Variants in GBF1 observed in about 807,000 individuals in gnomAD.
GBF1 encodes the protein golgi brefeldin A resistant guanine nucleotide exchange factor 1.
In GBF1, 114 loss-of-function variants were observed where a neutral mutation model predicts 210.5. The observed-to-expected ratio is 0.54, with a 90% confidence interval of 0.47 to 0.63. The LOEUF (loss-of-function observed/expected upper bound fraction) is 0.63, where lower values mean the gene tolerates loss of function less well. Among genes scored for constraint, GBF1 ranks in the 30% least tolerant of loss-of-function variants. The probability of loss-of-function intolerance (pLI) is 0.00; values close to 1 mark genes in which losing one functional copy is unlikely to be tolerated. For synonymous variants in GBF1, 850 were observed against 889.2 expected, an observed-to-expected ratio of 0.96 and a Z score of 0.78; for missense variants, 1,851 against 2,357.7, an observed-to-expected ratio of 0.79 and a Z score of 4.45.
At chr10:102,349,934 A>AC (rs1272837033) in intron 4 of GBF1, among the ~76,000 whole-genome samples, 1 of 150,852 alleles carries the variant, frequency 6.6e-6, no homozygotes, top group African/African-American at 2.4e-5. Flanking sequence ...CCTCCTGCCT[A>AC]CCCCCCAGCT....
At chr10:102,300,340 C>G (rs1024170790) in intron 3 of GBF1, among the ~76,000 whole-genome samples, 5 of 152,074 alleles carry the variant, frequency 3.3e-5, no homozygotes, top group African/African-American at 9.7e-5. Context: ...TTTCTTCCTG[C>G]CAGCCATAGT....
At chr10:102,281,217 C>T (rs1006918810) in intron 3 of GBF1, among the ~76,000 whole-genome samples, 5 of 152,038 alleles carry the variant, frequency 3.3e-5, no homozygotes, top group South Asian at 2.1e-4. Context: ...GTGAAATAGA[C>T]GGGTTGAGAG....
At chr10:102,375,797 G>C (rs927658215) in intron 30 of GBF1, among the ~76,000 whole-genome samples, 9 of 152,154 alleles carry the variant, frequency 5.9e-5, no homozygotes, top group Middle Eastern at 3.4e-3. Context: ...GTGAAGCCAG[G>C]CTTCCTACTG....
intron 3 of GBF1, among the ~76,000 whole-genome samples, chr10:102,265,721 A>G (rs2073793895): frequency 1.3e-5 from 2 of 152,168 alleles, no homozygotes; most frequent in South Asian, 2.1e-4. Context: ...GAAAGAAAGT[A>G]TCACAACCAA....
intron 1 of GBF1, among the ~76,000 whole-genome samples, chr10:102,254,703 T>C (rs1023050585): frequency 1.3e-4 from 20 of 152,142 alleles, no homozygotes; most frequent in African/African-American, 4.6e-4. Flanking sequence ...TTAGTTGGTA[T>C]TTATTTAGTT....
At chr10:102,381,965 C>CAG (rs1268314276) in intron 39 of GBF1, 91 bp from the exon 40 acceptor site, 142 of 1,149,718 alleles carry the variant, frequency 1.2e-4, no homozygotes, top group Non-Finnish European at 1.7e-4. Context: ...CAAGGAGGAA[C>CAG]AGAGACTCTA....
Position 102,380,523 on chromosome 10 carries a change from GTCTC to G in GBF1, c.5012_5015del (p.Ser1671Ter). The G allele has an allele frequency of 6.2e-7, 1 of 1,613,126 alleles. No individual in the cohort carries two copies. Among genetic ancestry groups the G allele is most frequent in the Non-Finnish European group, 8.5e-7 (1 of 1,179,378 alleles). On this transcript the variant is annotated frameshift_variant, in exon 38 of 40. Transcript: ENST00000369983. LOFTEE classifies it high-confidence loss of function. ...ACCTGCAGTCAGAGGCGATCCCTGA[GTCTC>G]TGAAGAACATGCTTCTGGTGATGGA...
the GBF1 span, chr10:102,230,828 C>A: frequency 6.3e-7 from 1 of 1,578,106 alleles, no homozygotes; most frequent in Non-Finnish European, 8.6e-7. Flanking sequence ...GCGGAGGGCA[C>A]CATGGAGGCG....
intron 29 of GBF1, among the ~76,000 whole-genome samples, chr10:102,372,905 ACTGT>A (rs2060287967): frequency 6.6e-6 from 1 of 152,206 alleles, no homozygotes; most frequent in Non-Finnish European, 1.5e-5. Context: ...TTGCCTCAAC[ACTGT>A]CTGGATGGAA....
intron 13 of GBF1, 44 bp downstream of exon 13, chr10:102,361,164 G>A (rs2135030714): frequency 3.0e-6 from 3 of 997,130 alleles, no homozygotes; most frequent in Non-Finnish European, 4.9e-6. Flanking sequence ...AAAAAATAGG[G>A]AGATATATGG....
At chr10:102,230,754 G>A in the GBF1 span, 1 of 1,483,120 alleles carries the variant, frequency 6.7e-7, no homozygotes, top group South Asian at 1.4e-5. Context: ...GAGCCAGCCC[G>A]GGGGGGCCCC....
chr10:102,314,160 T>C (rs1460289454), intron 3 of GBF1, among the ~76,000 whole-genome samples: 2 of 150,544 alleles, frequency 1.3e-5, no homozygotes, highest in African/African-American at 2.4e-5. Context: ...TTTTTTTTTT[T>C]CTGGAGTCAG....
intron 3 of GBF1, among the ~76,000 whole-genome samples, chr10:102,277,392 C>CT (rs35430312): frequency 0.01 from 1,375 of 136,980 alleles, 24 homozygotes; most frequent in African/African-American, 0.032. Context: ...TACATTGTGA[C>CT]TTTTTTTTTT....
At chr10:102,335,752 A>C (rs1209866482) in intron 3 of GBF1, among the ~76,000 whole-genome samples, 1 of 152,186 alleles carries the variant, frequency 6.6e-6, no homozygotes, top group Non-Finnish European at 1.5e-5. Flanking sequence ...AGGTATGTAA[A>C]GTGCATAGCA....
At chr10:102,319,649 T>C (rs1414619775) in intron 3 of GBF1, among the ~76,000 whole-genome samples, 1 of 152,042 alleles carries the variant, frequency 6.6e-6, no homozygotes, top group East Asian at 1.9e-4. Flanking sequence ...TTCTGGAACT[T>C]CCCTTCAGTT....
chr10:102,230,675 C>A, the GBF1 span: 2 of 1,581,674 alleles, frequency 1.3e-6, no homozygotes, highest in Admixed American at 1.8e-5. Context: ...GGGGAAGAGG[C>A]GGCAGCCGCG....
chr10:102,370,296 G>T (rs181437814), intron 27 of GBF1, 51 bp downstream of exon 27: 2 of 1,482,450 alleles, frequency 1.3e-6, no homozygotes, highest in East Asian at 2.3e-5. Context: ...TCTGGGAGGG[G>T]TGACAGGGAC....
chr10:102,240,851 C>T (rs1291132421), upstream of GBF1, among the ~76,000 whole-genome samples: 2 of 152,354 alleles, frequency 1.3e-5, no homozygotes, highest in East Asian at 1.9e-4. Flanking sequence ...GGAAGAGAAG[C>T]GTGTGCGACC....
chr10:102,318,010 G>A (rs1003261601), intron 3 of GBF1, among the ~76,000 whole-genome samples: 3 of 152,052 alleles, frequency 2.0e-5, no homozygotes, highest in Non-Finnish European at 4.4e-5. Context: ...CCGGGTTCAC[G>A]CCATTCTCCT....
Sources: gnomAD v4.1 joint callset for allele counts (sites outside exome capture counted in the v4.1 genomes callset) on GRCh38, gnomAD v4.1.1 for gene constraint, MANE v1.5 for transcripts, NCBI Gene and HGNC (gene_info 2026-07-23, HGNC 2026-07-21) for gene names.